The following DTNB variants were observed in gnomAD, a reference collection of about 807,000 sequenced individuals.
DTNB encodes the protein dystrobrevin beta.
DTNB carries 63 observed loss-of-function variants against 90.7 expected under a neutral mutation model. The ratio of observed to expected loss-of-function variants is 0.69; its 90% CI spans 0.57 to 0.86. DTNB has a LOEUF of 0.86. DTNB is among the 40% of genes least tolerant of loss of function. The pLI, the probability that DTNB is intolerant of heterozygous loss-of-function variation, is 0.00. For synonymous variants in DTNB, 277 were observed against 286.7 expected, an observed-to-expected ratio of 0.97 and a Z score of 0.34; for missense variants, 744 against 807.1, an observed-to-expected ratio of 0.92 and a Z score of 0.95.
At chr2:25,414,022 G>C (rs1288519509) in intron 16 of DTNB, among the ~76,000 whole-genome samples, 1 of 152,174 alleles carries the variant, frequency 6.6e-6, no homozygotes, top group Non-Finnish European at 1.5e-5. Context: ...GCATTTCTCT[G>C]ATGGCCAGTG....
chr2:25,419,446 A>G (rs2048797889), intron 16 of DTNB, 69 bp downstream of exon 16: 1 of 1,551,432 alleles, frequency 6.4e-7, no homozygotes, highest in Non-Finnish European at 8.7e-7. Flanking sequence ...GAGGAGAAAC[A>G]TTTATATGAG....
At chr2:25,379,728 C>T (rs1418975639) in intron 19 of DTNB, 7 of 178,754 alleles carry the variant, frequency 3.9e-5, no homozygotes, top group South Asian at 2.0e-4. Context: ...CTTGCTCACC[C>T]GAGGCTCGAG....
Position 25,432,944 on chromosome 2 carries a change from G to A in DTNB, c.1399C>T (p.Pro467Ser), listed in dbSNP as rs1158389910. ...TTCTGCTGTGCCTTCTCAGGGGTGG[G>A]CTGGGAGGCCTGCTCGTGTTCCAGG... is the stretch of plus-strand genomic sequence containing the variant. ...LRLEHEQASQ[P>S]TPEKAQQNPT... Residue 467 changes from proline (P) to serine (S), a missense_variant, in exon 14 of 21, where the codon CCC becomes TCC. Coordinates refer to ENST00000406818, the MANE Select transcript of DTNB (RefSeq NM_021907.5). The A allele has an allele frequency of 2.5e-6, 4 of 1,611,192 alleles. No individual in the cohort carries two copies. The South Asian group carries it at 3.3e-5, about 13-fold the overall frequency.
At chr2:25,526,395 A>ATATATTTTTT in intron 9 of DTNB, among the ~76,000 whole-genome samples, 1,574 of 49,788 alleles carry the variant, frequency 0.032, 52 homozygotes, top group Non-Finnish European at 0.037. Context: ...ATATATATAT[A>ATATATTTTTT]TTTTTTTTTT....
chr2:25,552,145 G>T (rs1487211993), intron 8 of DTNB, among the ~76,000 whole-genome samples: 1 of 152,148 alleles, frequency 6.6e-6, no homozygotes, highest in Non-Finnish European at 1.5e-5. Flanking sequence ...TACCTCCTCA[G>T]TTATCTTCTC....
At chr2:25,589,346 A>G (rs920711514) in intron 6 of DTNB, among the ~76,000 whole-genome samples, 1 of 87,542 alleles carries the variant, frequency 1.1e-5, no homozygotes, top group South Asian at 3.7e-4. Flanking sequence ...TTCTTTGCTT[A>G]TTCAGGTTTC....
chr2:25,628,139 G>C, intron 4 of DTNB, 32 bp downstream of exon 4: 1 of 1,599,322 alleles, frequency 6.3e-7, no homozygotes, highest in Non-Finnish European at 8.6e-7. Context: ...TTCTTAAAAT[G>C]AAGTAAGCGT....
chr2:25,662,344 G>A lies in DTNB; in HGVS notation c.-1-9683C>T, dbSNP rs6720442. 5.1e-3 allele frequency among the ~76,000 whole-genome samples: 777 copies of A among 152,110 alleles called. 5 individuals are homozygous for A. Among genetic ancestry groups the A allele is most frequent in the African/African-American group, 0.017 (721 of 41,466 alleles). The stretch of plus-strand genomic sequence containing the variant: ...AAATAAAATTATAGTATAGTCAATC[G>A]CACAACAGAATAAAGCAGGGCTACA... On this transcript the variant is annotated intron_variant, in intron 1 of 20. Coordinates refer to ENST00000406818, the MANE Select transcript of DTNB (RefSeq NM_021907.5).
At chr2:25,419,931 C>T (rs1352903935) in intron 15 of DTNB, among the ~76,000 whole-genome samples, 3 of 152,278 alleles carry the variant, frequency 2.0e-5, no homozygotes, top group Admixed American at 6.5e-5. Flanking sequence ...TCATCATTCA[C>T]GATATTCACA....
intron 9 of DTNB, among the ~76,000 whole-genome samples, chr2:25,505,456 T>C (rs2072150811): frequency 6.6e-6 from 1 of 152,298 alleles, no homozygotes; most frequent in East Asian, 1.9e-4. Flanking sequence ...ATTTTTCATT[T>C]TGAAGGTGGT....
chr2:25,453,491 C>T (rs1386450088), intron 11 of DTNB, among the ~76,000 whole-genome samples: 1 of 152,132 alleles, frequency 6.6e-6, no homozygotes, highest in Non-Finnish European at 1.5e-5. Flanking sequence ...TCATGTTCTC[C>T]CAGGGCTACC....
chr2:25,536,027 C>T (rs549047366), intron 8 of DTNB, among the ~76,000 whole-genome samples: 4 of 148,636 alleles, frequency 2.7e-5, no homozygotes, highest in South Asian at 2.2e-4. Flanking sequence ...ACCTCCCATT[C>T]GGGGCAGCCG....
chr2:25,433,598 C>A (rs1233746206), intron 13 of DTNB, among the ~76,000 whole-genome samples: 1 of 151,612 alleles, frequency 6.6e-6, no homozygotes, highest in Non-Finnish European at 1.5e-5. Flanking sequence ...CTAGATACAG[C>A]AAAATGTTGC....
chr2:25,413,348 G>A (rs373068624), intron 16 of DTNB, among the ~76,000 whole-genome samples: 1 of 151,236 alleles, frequency 6.6e-6, no homozygotes, highest in African/African-American at 2.4e-5. Context: ...CATCTGCCAT[G>A]TTGGTGTGCT....
intron 16 of DTNB, among the ~76,000 whole-genome samples, chr2:25,397,807 G>A (rs1016461680): frequency 2.0e-5 from 3 of 149,490 alleles, no homozygotes; most frequent in African/African-American, 7.5e-5. Context: ...TTGAACCCAG[G>A]AGGTGGAGCT....
At chr2:25,633,303 G>A (rs1044000129) in intron 3 of DTNB, among the ~76,000 whole-genome samples, 132 of 148,178 alleles carry the variant, frequency 8.9e-4, no homozygotes, top group African/African-American at 3.0e-3. Context: ...GCCTGCCATT[G>A]CAGGCGCGCG....
chr2:25,493,122 G>A (rs1243188416), intron 9 of DTNB, among the ~76,000 whole-genome samples: 1 of 152,126 alleles, frequency 6.6e-6, no homozygotes, highest in East Asian at 1.9e-4. Flanking sequence ...TGCTAGCCAT[G>A]CATTTGGGAA....
intron 6 of DTNB, among the ~76,000 whole-genome samples, chr2:25,589,367 CTTTTTTTTTTTT>C (rs1169808182): frequency 7.8e-4 from 45 of 57,542 alleles, no homozygotes; most frequent in Admixed American, 7.6e-4. Context: ...TTTTTCTTTT[CTTTTTTTTTTTT>C]TTTTTTTTTT....
intron 16 of DTNB, among the ~76,000 whole-genome samples, chr2:25,402,377 T>C (rs144697543): frequency 8.1e-4 from 124 of 152,360 alleles, no homozygotes; most frequent in African/African-American, 2.7e-3. Flanking sequence ...TGAATGTGCC[T>C]GGACACCTTC....
Sources: allele counts gnomAD v4.1 joint callset (sites outside exome capture counted in the v4.1 genomes callset), GRCh38; gene constraint gnomAD v4.1.1; transcripts MANE v1.5; gene names NCBI Gene and HGNC (gene_info 2026-07-23, HGNC 2026-07-21).